Variants in VRK1 observed in about 807,000 individuals in gnomAD.
VRK1 encodes the protein serine/threonine-protein kinase VRK1.
In VRK1, 33 loss-of-function variants were observed where a neutral mutation model predicts 57.1. The observed-to-expected ratio is 0.58, with a 90% CI of 0.44 to 0.77. The LOEUF is 0.77. Among genes scored for constraint, VRK1 ranks in the 30% least tolerant of loss-of-function variants. VRK1 has a pLI of 0.00. For missense variants in VRK1, 413 were observed against 477.3 expected (o/e 0.87, Z 1.25); for synonymous variants, 137 against 147.8 (o/e 0.93, Z 0.53).
At chr14:96,823,511 T>G (rs987586036) in intron 1 of VRK1, among the ~76,000 whole-genome samples, 6 of 152,218 alleles carry the variant, frequency 3.9e-5, no homozygotes, top group Non-Finnish European at 8.8e-5. Context: ...TGTGTGTGTA[T>G]GGGGGCAGGA....
In VRK1 at chr14:96,868,094, G is replaced by A. The variant is rs376846331; in HGVS notation, c.1068+7359G>A. Among the ~76,000 whole-genome samples the A allele has an allele frequency of 1.2e-4, 18 of 152,162 alleles. No individual in the cohort carries two copies. The East Asian group carries it at 3.5e-3, about 29-fold the overall frequency. ...TACCTATTTTCCTGTTAGTTTAATA[G>A]AATTTTCATTACAGACATCTACTTC... On this transcript the variant is annotated intron_variant, in intron 11 of 12. Transcript: ENST00000216639.
chr14:96,847,133 CTT>C, intron 4 of VRK1, 122 bp from the exon 5 acceptor site: 1 of 729,280 alleles, frequency 1.4e-6, no homozygotes, highest in Non-Finnish European at 2.3e-6. Context: ...TCTTCATTTT[CTT>C]TTTTATGAAT....
intron 5 of VRK1, 29 bp from the exon 6 acceptor site, chr14:96,852,802 G>A (rs1888001941): frequency 6.3e-7 from 1 of 1,582,878 alleles, no homozygotes; most frequent in African/African-American, 1.3e-5. Flanking sequence ...ATTGTATTTT[G>A]TTCATTGGCT....
chr14:96,807,911 A>G (rs1318452073), intron 1 of VRK1, among the ~76,000 whole-genome samples: 1 of 152,052 alleles, frequency 6.6e-6, no homozygotes, highest in Non-Finnish European at 1.5e-5. Flanking sequence ...TACAAGAGAA[A>G]GAAGTCACTC....
At chr14:96,876,178 C>G in intron 12 of VRK1, 58 bp downstream of exon 12, 5 of 1,538,446 alleles carry the variant, frequency 3.3e-6, no homozygotes, top group African/African-American at 1.4e-5. Flanking sequence ...TTCATTTCCT[C>G]CCATTAGATG....
At position 96,871,204 on chromosome 14, in the gene VRK1, T is replaced by C. The variant is rs533274449; in HGVS notation, c.1069-4826T>C. Among the ~76,000 whole-genome samples the C allele has an allele frequency of 2.0e-5, 3 of 152,228 alleles. No individual in the cohort carries two copies. In the East Asian group the frequency reaches 5.8e-4, roughly 29 times the overall value. On this transcript the variant is annotated intron_variant, in intron 11 of 12. Transcript: ENST00000216639. ...GTGAAGAACATAGATATTCCAAACT[T>C]TGTGTGCCATATATTTAATCATTTT... is the stretch of plus-strand genomic sequence containing the variant.
intron 3 of VRK1, among the ~76,000 whole-genome samples, chr14:96,841,326 C>T (rs997189585): frequency 1.3e-5 from 2 of 152,010 alleles, no homozygotes; most frequent in Non-Finnish European, 2.9e-5. Flanking sequence ...AAAAACATGG[C>T]CAGGAACAGT....
chr14:96,859,658 C>T (rs922283157), intron 10 of VRK1, among the ~76,000 whole-genome samples: 15 of 152,066 alleles, frequency 9.9e-5, no homozygotes, highest in African/African-American at 2.4e-4. Context: ...TATATGCACA[C>T]GCTTGTGTGT....
intron 1 of VRK1, among the ~76,000 whole-genome samples, chr14:96,831,956 T>G (rs1027270816): frequency 1.8e-4 from 28 of 152,192 alleles, no homozygotes; most frequent in African/African-American, 6.8e-4. Flanking sequence ...GCACAGAAAT[T>G]CCATTTTGCA....
chr14:96,801,719 A>G (rs931250494), intron 1 of VRK1, among the ~76,000 whole-genome samples: 1 of 152,254 alleles, frequency 6.6e-6, no homozygotes, highest in African/African-American at 2.4e-5. Context: ...ACTATATGCT[A>G]TATTCTTACA....
intron 1 of VRK1, among the ~76,000 whole-genome samples, chr14:96,814,819 A>G (rs1202199761): frequency 6.6e-6 from 1 of 152,220 alleles, no homozygotes; most frequent in Non-Finnish European, 1.5e-5. Context: ...CAATGTATGT[A>G]GAGCTACCTT....
At chr14:96,809,570 CTTTTTT>C (rs566987608) in intron 1 of VRK1, among the ~76,000 whole-genome samples, 1 of 128,542 alleles carries the variant, frequency 7.8e-6, no homozygotes, top group Non-Finnish European at 1.7e-5. Context: ...TGCTTGCTTT[CTTTTTT>C]TTTTTTTTTT....
chr14:96,821,864 T>A, intron 1 of VRK1, among the ~76,000 whole-genome samples: 1 of 152,336 alleles, frequency 6.6e-6, no homozygotes, highest in African/African-American at 2.4e-5. Flanking sequence ...CCTTGCTGTT[T>A]CTAGAACAAG....
intron 1 of VRK1, 140 bp from the exon 2 acceptor site, chr14:96,833,327 C>A: frequency 1.1e-6 from 1 of 874,172 alleles, no homozygotes; most frequent in Non-Finnish European, 1.7e-6. Context: ...CATTATAAGT[C>A]AGAATTAACA....
chr14:96,829,066 C>G (rs757243103), intron 1 of VRK1, among the ~76,000 whole-genome samples: 16 of 152,114 alleles, frequency 1.1e-4, no homozygotes, highest in Non-Finnish European at 2.4e-4. Context: ...AGACACAGAG[C>G]TACTCTGTTT....
chr14:96,838,095 A>G (rs1887293364), intron 3 of VRK1, among the ~76,000 whole-genome samples: 1 of 152,116 alleles, frequency 6.6e-6, no homozygotes, highest in African/African-American at 2.4e-5. Flanking sequence ...CAGCTCATTT[A>G]AGAAATTTCA....
intron 3 of VRK1, 137 bp from the exon 4 acceptor site, chr14:96,845,958 C>A: frequency 1.3e-6 from 1 of 779,002 alleles, no homozygotes; most frequent in Non-Finnish European, 2.2e-6. Flanking sequence ...TTGACTTAAT[C>A]TTAACACAGT....
At chr14:96,837,130 C>T (rs1051408359) in intron 2 of VRK1, among the ~76,000 whole-genome samples, 2 of 152,118 alleles carry the variant, frequency 1.3e-5, no homozygotes, top group Admixed American at 1.3e-4. Context: ...TAGAAACTGA[C>T]GTTTAGTATG....
chr14:96,879,936 AATAAT>A (rs1361408300), intron 12 of VRK1, among the ~76,000 whole-genome samples: 2 of 148,222 alleles, frequency 1.3e-5, no homozygotes, highest in Non-Finnish European at 3.0e-5. Flanking sequence ...CAAAAAAAAA[AATAAT>A]AATAATAAAA....
Sources: allele counts gnomAD v4.1 joint callset (sites outside exome capture counted in the v4.1 genomes callset), GRCh38; gene constraint gnomAD v4.1.1; transcripts MANE v1.5; gene names NCBI Gene and HGNC (gene_info 2026-07-23, HGNC 2026-07-21).